ACSL3: variants seen among roughly 807,000 people sequenced by gnomAD.
The protein encoded by ACSL3 is fatty acid CoA ligase Acsl3.
In ACSL3, 34 loss-of-function variants were observed where a neutral mutation model predicts 84.7. The observed-to-expected ratio is 0.40, with a 90% CI of 0.31 to 0.53. The LOEUF is 0.53. Ranked by LOEUF, ACSL3 falls within the 20% of genes least tolerant of loss-of-function variation. The pLI is 0.48. For synonymous variants in ACSL3, 315 were observed against 299.4 expected (o/e 1.05, Z -0.54); for missense variants, 680 against 873.1 (o/e 0.78, Z 2.79).
At chr2:222,914,770 A>G (rs1696532439) in intron 4 of ACSL3, among the ~76,000 whole-genome samples, 1 of 152,222 alleles carries the variant, frequency 6.6e-6, no homozygotes, top group Non-Finnish European at 1.5e-5. Context: ...CAAAGTTAGG[A>G]TTAGAAACTT....
chr2:222,912,298 A>G (rs1384721523), intron 4 of ACSL3, among the ~76,000 whole-genome samples: 2 of 152,222 alleles, frequency 1.3e-5, no homozygotes, highest in African/African-American at 4.8e-5. Context: ...CATGTTAAAC[A>G]TGCTAGGCCT....
At chr2:222,936,389 G>A (rs1363553692) in intron 16 of ACSL3, among the ~76,000 whole-genome samples, 1 of 152,042 alleles carries the variant, frequency 6.6e-6, no homozygotes. Flanking sequence ...GGTATTAAGG[G>A]TTTCCATTTC....
chr2:222,867,937 G>A (rs953760108), intron 1 of ACSL3, among the ~76,000 whole-genome samples: 4 of 149,368 alleles, frequency 2.7e-5, no homozygotes, highest in East Asian at 1.9e-4. Flanking sequence ...ACTTTTCCTC[G>A]AAGGCTCTTT....
intron 11 of ACSL3, among the ~76,000 whole-genome samples, chr2:222,925,294 C>T (rs147945966): frequency 0.011 from 1,632 of 146,612 alleles, 18 homozygotes; most frequent in African/African-American, 0.025. Flanking sequence ...GAGCCGAGAT[C>T]GTGCCACTGC....
intron 1 of ACSL3, among the ~76,000 whole-genome samples, chr2:222,881,537 A>G (rs1695591149): frequency 6.6e-6 from 1 of 152,200 alleles, no homozygotes; most frequent in South Asian, 2.1e-4. Flanking sequence ...CACCCCTGAG[A>G]TGGAGTTTCA....
intron 3 of ACSL3, among the ~76,000 whole-genome samples, chr2:222,905,396 A>T (rs1696267515): frequency 6.6e-6 from 1 of 152,214 alleles, no homozygotes; most frequent in African/African-American, 2.4e-5. Flanking sequence ...GCTGGGCTCA[A>T]GCAATCCGCC....
chr2:222,919,913 A>G (rs1259298834), intron 7 of ACSL3, among the ~76,000 whole-genome samples: 1 of 152,184 alleles, frequency 6.6e-6, no homozygotes, highest in Non-Finnish European at 1.5e-5. Flanking sequence ...GGACTTAGAG[A>G]TTTGGAAGCT....
intron 1 of ACSL3, among the ~76,000 whole-genome samples, chr2:222,881,620 G>A (rs1265959242): frequency 1.3e-5 from 2 of 152,232 alleles, no homozygotes; most frequent in South Asian, 2.1e-4. Flanking sequence ...GGGTTCAAGC[G>A]ATTCTCCTGC....
chr2:222,898,703 T>C (rs923363475), intron 2 of ACSL3, among the ~76,000 whole-genome samples: 1 of 152,080 alleles, frequency 6.6e-6, no homozygotes, highest in Admixed American at 6.5e-5. Flanking sequence ...GGCGGGCGCC[T>C]GTAGTCCCAG....
At chr2:222,932,354 A>T (rs1271314735) in intron 14 of ACSL3, among the ~76,000 whole-genome samples, 1 of 152,146 alleles carries the variant, frequency 6.6e-6, no homozygotes, top group Non-Finnish European at 1.5e-5. Flanking sequence ...TTTGAGATGT[A>T]GTCTTGCTCT....
chr2:222,908,139 T>G (rs1696344561), intron 3 of ACSL3, among the ~76,000 whole-genome samples: 1 of 152,246 alleles, frequency 6.6e-6, no homozygotes, highest in African/African-American at 2.4e-5. Context: ...TCAATAAATC[T>G]GATGAATGCA....
At position 222,868,466 on chromosome 2, in the gene ACSL3, T is replaced by A. The variant is rs528739849; in HGVS notation, c.-207+7208T>A. 4.5e-4 allele frequency among the ~76,000 whole-genome samples: 68 copies of A among 152,322 alleles called. 1 individual carries two copies. The highest frequency in any genetic ancestry group is 6.3e-4 in the Non-Finnish European group (43 of 68,030). On this transcript the variant is annotated intron_variant, in intron 1 of 16. Coordinates refer to ENST00000357430, the MANE Select transcript of ACSL3 (RefSeq NM_004457.5). Reference sequence around the variant, plus strand: ...TATTTTTTGTTAGAGTATGCAGTATTTTCTAAGCCTACTCAGTTTGTGGTG... The same window carrying A: ...TATTTTTTGTTAGAGTATGCAGTATATTCTAAGCCTACTCAGTTTGTGGTG...
Position 222,876,461 on chromosome 2 carries a change from A to AC in ACSL3, c.-206-11368dup, listed in dbSNP as rs372633043. On this transcript the variant is annotated intron_variant, in intron 1 of 16. Coordinates refer to ENST00000357430, the MANE Select transcript of ACSL3 (RefSeq NM_004457.5). ...CTCAGCCTCCCAAGTAGCTGGGACT[A>AC]CAGGCGTGTGCCACCATGGCCAGCC... Among the ~76,000 whole-genome samples the AC allele has an allele frequency of 3.8e-3, 583 of 152,184 alleles. 2 individuals carry two copies. Among genetic ancestry groups the AC allele is most frequent in the Middle Eastern group, 0.02 (6 of 294 alleles).
intron 4 of ACSL3, among the ~76,000 whole-genome samples, chr2:222,909,375 C>G (rs1418910289): frequency 6.6e-6 from 1 of 152,076 alleles, no homozygotes; most frequent in African/African-American, 2.4e-5. Flanking sequence ...AGCTCTTCCC[C>G]AGTGTCTACC....
intron 1 of ACSL3, among the ~76,000 whole-genome samples, chr2:222,885,717 T>G (rs951580596): frequency 6.6e-6 from 1 of 152,176 alleles, no homozygotes; most frequent in Non-Finnish European, 1.5e-5. Flanking sequence ...GCAGGGATTT[T>G]GAACCCAGTA....
Position 222,942,409 on chromosome 2 carries a change from A to G in ACSL3, c.*755A>G, listed in dbSNP as rs1450819908. ...AATTGGTCTCTAGTAGCTTACTGTC[A>G]AAATGTTCAATGAAGTCTTCTGTTC... is the stretch of plus-strand genomic sequence containing the variant. On this transcript the variant is annotated 3_prime_UTR_variant, in exon 17 of 17. Transcript: ENST00000357430. The G allele has an allele frequency of 5.2e-6, 1 of 193,058 alleles. No homozygotes were observed. Among genetic ancestry groups the G allele is most frequent in the African/African-American group, 2.3e-5 (1 of 43,190 alleles). 12.0% of individuals were successfully genotyped at this position (193,058 alleles called of 1,614,324 possible).
intron 1 of ACSL3, among the ~76,000 whole-genome samples, chr2:222,881,438 A>G (rs1695589304): frequency 6.6e-6 from 1 of 152,232 alleles, no homozygotes; most frequent in Non-Finnish European, 1.5e-5. Context: ...GTTGATTTCT[A>G]ATAAATATAC....
Position 222,942,243 on chromosome 2 carries a change from T to C in ACSL3, c.*589T>C, listed in dbSNP as rs1697330859. On this transcript the variant is annotated 3_prime_UTR_variant, in exon 17 of 17. Coordinates refer to ENST00000357430, the MANE Select transcript of ACSL3 (RefSeq NM_004457.5). ...AAGAAGTTGAGATCTTGTGAATATATGCCTGTCAGTGTCTTCTTTATATAT... is the reference window on the plus strand; with the variant it reads ...AAGAAGTTGAGATCTTGTGAATATACGCCTGTCAGTGTCTTCTTTATATAT... The C allele has an allele frequency of 5.3e-6, 1 of 187,592 alleles. No homozygotes were observed. 11.6% of individuals were successfully genotyped at this position (187,592 alleles called of 1,614,324 possible).
chr2:222,878,800 A>G (rs1359683716), intron 1 of ACSL3, among the ~76,000 whole-genome samples: 1 of 152,134 alleles, frequency 6.6e-6, no homozygotes, highest in African/African-American at 2.4e-5. Flanking sequence ...CATTCTGGAA[A>G]TGTAGACTTT....
Sources: gnomAD v4.1 joint callset for allele counts (sites outside exome capture counted in the v4.1 genomes callset) on GRCh38, gnomAD v4.1.1 for gene constraint, MANE v1.5 for transcripts, NCBI Gene and HGNC (gene_info 2026-07-23, HGNC 2026-07-21) for gene names.